WDFY3: variants seen among roughly 807,000 people sequenced by gnomAD.
The protein encoded by WDFY3 is WD repeat and FYVE domain containing 3, also known as WD repeat and FYVE domain-containing protein 3.
WDFY3 carries 66 observed loss-of-function variants against 409.6 expected under a neutral mutation model. The ratio of observed to expected loss-of-function variants is 0.16; its 90% CI spans 0.13 to 0.20. WDFY3 has a LOEUF of 0.20. Among genes scored for constraint, WDFY3 ranks in the 10% least tolerant of loss-of-function variants. WDFY3 has a pLI of 1.00. For missense variants in WDFY3, 3,031 were observed against 4,298.1 expected, an observed-to-expected ratio of 0.71 and a Z score of 8.24; for synonymous variants, 1,521 against 1,537.1, an observed-to-expected ratio of 0.99 and a Z score of 0.25.
intron 44 of WDFY3, among the ~76,000 whole-genome samples, chr4:84,731,856 G>T (rs1736662418): frequency 6.6e-6 from 1 of 152,174 alleles, no homozygotes; most frequent in African/African-American, 2.4e-5. Flanking sequence ...AATCTAAACA[G>T]TGAGCTGGTC....
chr4:84,847,713 G>A (rs1196435388), intron 5 of WDFY3, among the ~76,000 whole-genome samples: 1 of 143,838 alleles, frequency 7.0e-6, no homozygotes, highest in Non-Finnish European at 1.5e-5. Context: ...GGCAGAGGTT[G>A]CAGTGAGCTG....
At chr4:84,777,026 G>A (rs1159975021) in intron 27 of WDFY3, among the ~76,000 whole-genome samples, 3 of 152,044 alleles carry the variant, frequency 2.0e-5, no homozygotes, top group Non-Finnish European at 2.9e-5. Context: ...TGTGAAAGTA[G>A]AACCTATATG....
intron 2 of WDFY3, among the ~76,000 whole-genome samples, chr4:84,904,813 T>G (rs1384819674): frequency 6.6e-6 from 1 of 152,236 alleles, no homozygotes; most frequent in Admixed American, 6.5e-5. Flanking sequence ...TGATTGCCAC[T>G]TGACGTCTCC....
intron 8 of WDFY3, 100 bp from the exon 9 acceptor site, chr4:84,829,290 C>T (rs1008618925): frequency 3.0e-6 from 3 of 986,898 alleles, no homozygotes; most frequent in Non-Finnish European, 4.4e-6. Flanking sequence ...TAAATTTTAA[C>T]ATATCTGTAA....
intron 1 of WDFY3, among the ~76,000 whole-genome samples, chr4:84,935,103 T>C (rs925671357): frequency 9.2e-5 from 14 of 152,202 alleles, no homozygotes; most frequent in Admixed American, 9.2e-4. Context: ...TATATCACAA[T>C]TTAATTATCC....
chr4:84,736,167 T>G lies in WDFY3; in HGVS notation c.6915+3A>C. The G allele has an allele frequency of 6.2e-7, 1 of 1,606,170 alleles. No individual in the cohort carries two copies. Among genetic ancestry groups the G allele is most frequent in the Non-Finnish European group, 8.5e-7 (1 of 1,177,294 alleles). On this transcript the variant is annotated splice_donor_region_variant and intron_variant, in intron 42 of 67. Transcript: ENST00000295888. ...AATATCAGCAATGAAACTAAAAAAG[T>G]ACCTGGGTGGAAAGACTGTGTTTAT...
intron 1 of WDFY3, among the ~76,000 whole-genome samples, chr4:84,953,374 G>C (rs919728052): frequency 6.6e-6 from 1 of 152,050 alleles, no homozygotes; most frequent in Non-Finnish European, 1.5e-5. Flanking sequence ...CTCATTAACT[G>C]ACAATGTATT....
intron 51 of WDFY3, among the ~76,000 whole-genome samples, chr4:84,712,472 G>C (rs894135942): frequency 1.3e-5 from 2 of 150,890 alleles, no homozygotes; most frequent in African/African-American, 2.4e-5. Context: ...TGTAATCCCA[G>C]CACTTTGGGA....
At chr4:84,942,337 T>C (rs1204208835) in intron 1 of WDFY3, among the ~76,000 whole-genome samples, 1 of 149,086 alleles carries the variant, frequency 6.7e-6, no homozygotes, top group Non-Finnish European at 1.5e-5. Flanking sequence ...CTTTAAACAA[T>C]AAAAAAAAAG....
At chr4:84,751,056 G>A (rs998274845) in intron 36 of WDFY3, among the ~76,000 whole-genome samples, 1 of 152,264 alleles carries the variant, frequency 6.6e-6, no homozygotes, top group Admixed American at 6.5e-5. Flanking sequence ...ACTATGGCCT[G>A]TGGGCCAAAT....
chr4:84,956,201 T>C (rs1579284770), intron 1 of WDFY3, among the ~76,000 whole-genome samples: 1 of 152,180 alleles, frequency 6.6e-6, no homozygotes, highest in Non-Finnish European at 1.5e-5. Context: ...GAGCAGCTGG[T>C]TCATCAAGTG....
chr4:84,929,906 C>T (rs1191670152), intron 2 of WDFY3, among the ~76,000 whole-genome samples: 1 of 149,930 alleles, frequency 6.7e-6, no homozygotes, highest in African/African-American at 2.5e-5. Flanking sequence ...AGAGAAACTT[C>T]GCTTAAAAAA....
intron 13 of WDFY3, 104 bp downstream of exon 13, chr4:84,817,288 T>C (rs569936323): frequency 1.4e-6 from 2 of 1,433,168 alleles, no homozygotes; most frequent in African/African-American, 1.4e-5. Flanking sequence ...CTTGGGTAAT[T>C]TGGATTTTTT....
rs892355970 is a variant in WDFY3, at chr4:84,677,337, C to A, written c.10319G>T (p.Ser3440Ile). 5 of 1,614,038 alleles carry A rather than the reference C, an allele frequency of 3.1e-6. No homozygotes were observed. Among genetic ancestry groups the A allele is most frequent in the Non-Finnish European group, 4.2e-6 (5 of 1,180,018 alleles). ...AGCAGCAGAACGGCCTGGCTGGTCA[C>A]TCACAGACCAGCTGAAAACTCGGCC... ...SRGRVFSWSV[S>I]DQPGRSAADH... The change falls in exon 67 of 68, where the codon AGT becomes ATT. Residue 3440 changes from serine (S) to isoleucine (I), a missense_variant. Physicochemically the swap from Ser to Ile is moderately radical, Grantham distance 142. Transcript: ENST00000295888.
chr4:84,860,508 G>A lies in WDFY3; in HGVS notation c.84C>T (p.Leu28=). ...PQDNALGLMH[L]RRLFTELCHP... ...GGCACAACTCCGTGAAGAGCCGGCG[G>A]AGGTGCATCAGTCCTAAGGCGTTGT... The change falls in exon 4 of 68, where the codon CTC becomes CTT. Residue 28 remains leucine (L), a synonymous_variant. Transcript: ENST00000295888. 1 of 1,614,130 alleles carries A rather than the reference G, an allele frequency of 6.2e-7. No homozygotes were observed. Among genetic ancestry groups the A allele is most frequent in the East Asian group, 2.2e-5 (1 of 44,854 alleles).
chr4:84,758,996 G>A (rs921568243), intron 32 of WDFY3, among the ~76,000 whole-genome samples: 5 of 152,080 alleles, frequency 3.3e-5, no homozygotes, highest in Admixed American at 1.3e-4. Context: ...TGTAAGCAAG[G>A]GATCCAGTTT....
intron 41 of WDFY3, 145 bp from the exon 42 acceptor site, chr4:84,736,472 C>A (rs538775783): frequency 2.7e-6 from 2 of 745,544 alleles, no homozygotes; most frequent in South Asian, 4.4e-5. Context: ...ATTCAGATAT[C>A]ACAAATTTAT....
Position 84,716,944 on chromosome 4 carries a change from A to G in WDFY3, c.7827T>C (p.Phe2609=). ...PSQLKRTCSI[F]AYEDIKEVHK... Reference sequence around the variant, plus strand: ...GAACTTCCTTGATATCTTCATATGCAAAAATGCTGCATGTTCTCTTGAGTT... The same window carrying G: ...GAACTTCCTTGATATCTTCATATGCGAAAATGCTGCATGTTCTCTTGAGTT... Residue 2609 remains phenylalanine (F), a synonymous_variant, in exon 49 of 68, where the codon TTT becomes TTC. Coordinates refer to ENST00000295888, the MANE Select transcript of WDFY3 (RefSeq NM_014991.6). 2 of 1,608,268 alleles carry G rather than the reference A, an allele frequency of 1.2e-6. No individual in the cohort carries two copies. Among genetic ancestry groups the G allele is most frequent in the Non-Finnish European group, 1.7e-6 (2 of 1,176,942 alleles).
chr4:84,687,911 A>G (rs1195413815), intron 62 of WDFY3, 175 bp downstream of exon 62: 4 of 651,074 alleles, frequency 6.1e-6, no homozygotes, highest in Non-Finnish European at 1.1e-5. Flanking sequence ...CTTAGTGCAG[A>G]CACCTGATGG....
Sources: allele counts gnomAD v4.1 joint callset (sites outside exome capture counted in the v4.1 genomes callset), GRCh38; gene constraint gnomAD v4.1.1; transcripts MANE v1.5; gene names NCBI Gene and HGNC (gene_info 2026-07-23, HGNC 2026-07-21).